ZMYND10: variants seen among roughly 807,000 people sequenced by gnomAD.
The protein encoded by ZMYND10 is zinc finger MYND-type containing 10.
In ZMYND10, 52 loss-of-function variants were observed where a neutral mutation model predicts 62.6. The ratio of observed to expected loss-of-function variants is 0.83; its 90% CI spans 0.67 to 1.05. The LOEUF is 1.05. ZMYND10 is among the 50% of genes least tolerant of loss of function. The probability of loss-of-function intolerance (pLI) is 0.00; values close to 1 mark genes in which losing one functional copy is unlikely to be tolerated. For synonymous variants in ZMYND10, 197 were observed against 218.5 expected (o/e 0.90, Z 0.87); for missense variants, 438 against 543.3 (o/e 0.81, Z 1.93).
chr3:50,342,677 C>T (rs1021118297), intron 7 of ZMYND10, 108 bp from the exon 8 acceptor site: 1 of 1,500,088 alleles, frequency 6.7e-7, no homozygotes, highest in Non-Finnish European at 8.9e-7. Flanking sequence ...AGAACCTGGG[C>T]TGCAGGACTT....
In ZMYND10 at chr3:50,345,335, G is replaced by T; in HGVS notation, c.93-103C>A. 6.7e-7 allele frequency: 1 copy of T among 1,501,096 alleles called. No homozygotes were observed. The highest frequency in any genetic ancestry group is 9.1e-7 in the Non-Finnish European group (1 of 1,103,874). 93.0% of individuals were successfully genotyped at this position (1,501,096 alleles called of 1,614,324 possible). A position where few individuals can be genotyped will look rare whatever the true frequency, so the allele number is the denominator to read the frequency against. On this transcript the variant is annotated intron_variant, in intron 1 of 11. Transcript: ENST00000231749. The surrounding 1 kb of genome is among the most constrained non-coding windows in gnomAD (Gnocchi z 5.0). ...CTAACCTGATCCTGAGGGGACACAG[G>T]GGGCTCAGGAGCAGTAATACTCCTG...
At chr3:50,344,921 C>G (rs1246358722) in intron 2 of ZMYND10, 1 of 547,126 alleles carries the variant, frequency 1.8e-6, no homozygotes, top group East Asian at 3.1e-5. Flanking sequence ...TCTCCCTAAT[C>G]AACTCATGCC....
At position 50,341,250 on chromosome 3, in the gene ZMYND10, TGAG is replaced by T; in HGVS notation, c.*157_*159del. On this transcript the variant is annotated 3_prime_UTR_variant, in exon 12 of 12. Coordinates refer to ENST00000231749, the MANE Select transcript of ZMYND10 (RefSeq NM_015896.4). ...GGAAGTCTCGAGCCTTCACTTGGGG[TGAG>T]GAGGAGGGAGATCGGTCAGCAGCTT... 9 of 864,436 alleles carry T rather than the reference TGAG, an allele frequency of 1.0e-5. No individual in the cohort carries two copies. Among genetic ancestry groups the T allele is most frequent in the South Asian group, 1.7e-5 (1 of 59,944 alleles). 53.5% of individuals were successfully genotyped at this position (864,436 alleles called of 1,614,324 possible).
chr3:50,345,081 G>A lies in ZMYND10; in HGVS notation c.201+43C>T. On this transcript the variant is annotated intron_variant, in intron 2 of 11. Transcript: ENST00000231749. The surrounding 1 kb of genome is among the most constrained non-coding windows in gnomAD (Gnocchi z 5.0). ...GACTCCGGAGGGGTAGAGTAGGTGA[G>A]GTATGGGGGAAGGCAGGAACCCTGC... 6.4e-7 allele frequency: 1 copy of A among 1,572,822 alleles called. No homozygotes were observed. The highest frequency in any genetic ancestry group is 8.7e-7 in the Non-Finnish European group (1 of 1,147,068).
rs1008107659 is a variant in ZMYND10 at position 50,345,066 on chromosome 3, G to T, written c.201+58C>A. 1.3e-6 allele frequency: 2 copies of T among 1,487,714 alleles called. No homozygotes were observed. The highest frequency in any genetic ancestry group is 1.9e-6 in the Non-Finnish European group (2 of 1,073,836). 92.2% of individuals were successfully genotyped at this position (1,487,714 alleles called of 1,614,324 possible). A position where few individuals can be genotyped will look rare whatever the true frequency, so the allele number is the denominator to read the frequency against. Reference sequence around the variant, plus strand: ...GAAGGGCACACAGGGGACTCCGGAGGGGTAGAGTAGGTGAGGTATGGGGGA... The same window carrying T: ...GAAGGGCACACAGGGGACTCCGGAGTGGTAGAGTAGGTGAGGTATGGGGGA... On this transcript the variant is annotated intron_variant, in intron 2 of 11. Transcript: ENST00000231749. The surrounding 1 kb of genome is among the most constrained non-coding windows in gnomAD (Gnocchi z 5.0).
chr3:50,343,595 T>G lies in ZMYND10; in HGVS notation c.340A>C (p.Ile114Leu). The G allele has an allele frequency of 6.2e-7, 1 of 1,614,152 alleles. No individual in the cohort carries two copies. ...AAGAACACTGTCTCCAAGAGGTTGA[T>G]GATGGAGGCCTCGTGGTGCACCTGT... is the stretch of plus-strand genomic sequence containing the variant. The part of the protein sequence containing the change: ...YMVVHHEASI[I>L]NLLETVFFHK... The change falls in exon 4 of 12, where the codon ATC becomes CTC. Residue 114 changes from isoleucine (I) to leucine (L), a missense_variant. By Grantham distance (5) the Ile-to-Leu change is conservative. Transcript: ENST00000231749.
In ZMYND10 at chr3:50,345,492, C is replaced by G. The variant is rs587731307; in HGVS notation, c.88G>C (p.Glu30Gln). The G allele has an allele frequency of 6.2e-7, 1 of 1,601,624 alleles. No individual in the cohort carries two copies. The highest frequency in any genetic ancestry group is 1.3e-5 in the African/African-American group (1 of 74,848). ...CGCCTGACCCGGGTGCCTCACCCTT[C>G]GGAGCCCATCTCGCGTAGCGGGAAG... is the stretch of plus-strand genomic sequence containing the variant. ...RSFPLREMGSEGWNQQHENLE... is the reference protein window; with the variant it reads ...RSFPLREMGSQGWNQQHENLE... Residue 30 changes from glutamate to glutamine, a missense_variant, in exon 1 of 12, where the codon GAA (glutamate) becomes CAA (glutamine). Physicochemically the swap from Glu to Gln is conservative, Grantham distance 29. Coordinates refer to ENST00000231749, the MANE Select transcript of ZMYND10 (RefSeq NM_015896.4). This position sits in a 1 kb window ranked among gnomAD's most constrained non-coding sequence, Gnocchi z 5.0.
rs1311619270 is a variant in ZMYND10, at chr3:50,345,098, G to A, written c.201+26C>T. Reference sequence around the variant, plus strand: ...GTAGGTGAGGTATGGGGGAAGGCAGGAACCCTGCCTGTGACCTCGGGGTAC... The same window carrying A: ...GTAGGTGAGGTATGGGGGAAGGCAGAAACCCTGCCTGTGACCTCGGGGTAC... On this transcript the variant is annotated intron_variant, in intron 2 of 11. Coordinates refer to ENST00000231749, the MANE Select transcript of ZMYND10 (RefSeq NM_015896.4). The surrounding 1 kb of genome is among the most constrained non-coding windows in gnomAD (Gnocchi z 5.0). 6.2e-7 allele frequency: 1 copy of A among 1,607,178 alleles called. No homozygotes were observed. The highest frequency in any genetic ancestry group is 8.5e-7 in the Non-Finnish European group (1 of 1,175,748).
At chr3:50,343,245 C>A in intron 5 of ZMYND10, 39 bp from the exon 6 acceptor site, 1 of 1,613,970 alleles carries the variant, frequency 6.2e-7, no homozygotes, top group South Asian at 1.1e-5. Flanking sequence ...GCCACCCTCA[C>A]CTGCGCAGGC....
rs748605510 is a variant in ZMYND10, at chr3:50,341,266, C to A, written c.*144G>T. On this transcript the variant is annotated 3_prime_UTR_variant, in exon 12 of 12. Transcript: ENST00000231749. Reference sequence around the variant, plus strand: ...CACTTGGGGTGAGGAGGAGGGAGATCGGTCAGCAGCTTTACCGCCCGCTCT... The same window carrying A: ...CACTTGGGGTGAGGAGGAGGGAGATAGGTCAGCAGCTTTACCGCCCGCTCT... 3 of 981,196 alleles carry A rather than the reference C, an allele frequency of 3.1e-6. No homozygotes were observed. The highest frequency in any genetic ancestry group is 1.6e-5 in the African/African-American group (1 of 62,012). The allele number at this position is 981,196 out of a possible 1,614,324, so 60.8% of individuals were successfully genotyped here. A position where few individuals can be genotyped will look rare whatever the true frequency, so the allele number is the denominator to read the frequency against.
chr3:50,342,733 T>TAGTGG, intron 7 of ZMYND10, 164 bp from the exon 8 acceptor site: 1 of 1,468,198 alleles, frequency 6.8e-7, no homozygotes, highest in Non-Finnish European at 9.0e-7. Flanking sequence ...TGAGCCTCAG[T>TAGTGG]AGTGGACACA....
In ZMYND10 at chr3:50,343,230, G is replaced by A. The variant is rs2301639; in HGVS notation, c.511-24C>T. The A allele has an allele frequency of 0.1, 168,983 of 1,613,936 alleles. 9,346 individuals carry two copies. The highest frequency in any genetic ancestry group is 0.11 in the Non-Finnish European group (132,347 of 1,179,926). ...TCCTGGGAGGTCACACAGTGTTCAC[G>A]CTGGGCCACCCTCACCTGCGCAGGC... On this transcript the variant is annotated intron_variant, in intron 5 of 11. Transcript: ENST00000231749.
At position 50,341,673 on chromosome 3, in the gene ZMYND10, A is replaced by G; in HGVS notation, c.1148T>C (p.Val383Ala). Reference protein sequence around the residue: ...RRWAETYRLDVLEAVAPERPR... With the variant: ...RRWAETYRLDALEAVAPERPR... ...CCGCTCTGGAGCCACTGCCTCTAGC[A>G]CATCCAGCCTGTAGGTCTCAGCCCA... is the stretch of plus-strand genomic sequence containing the variant. The change falls in exon 11 of 12, where the codon GTG becomes GCG. Residue 383 changes from valine to alanine, a missense_variant. Transcript: ENST00000231749. 1.2e-6 allele frequency: 2 copies of G among 1,614,224 alleles called. No individual in the cohort carries two copies. The highest frequency in any genetic ancestry group is 1.1e-5 in the South Asian group (1 of 91,088).
rs926897020 is a variant in ZMYND10, at chr3:50,341,412, A to C, written c.1321T>G (p.Ter441GlyextTer21). 6.2e-7 allele frequency: 1 copy of C among 1,613,936 alleles called. No individual in the cohort carries two copies. Among genetic ancestry groups the C allele is most frequent in the African/African-American group, 1.3e-5 (1 of 74,918 alleles). Residue 441 changes from the stop codon to glycine, a stop_lost, in exon 12 of 12, where the codon TGA (stop) becomes GGA (glycine). Coordinates refer to ENST00000231749, the MANE Select transcript of ZMYND10 (RefSeq NM_015896.4). ...VLAAQGDRAK[*>G] ...TCGGCCCTCAGCAACTGCAGCCCTC[A>C]TTTGGCTCTGTCACCCTGGGCTGCC... is the stretch of plus-strand genomic sequence containing the variant.
At position 50,341,747 on chromosome 3, in the gene ZMYND10, C is replaced by T. The variant is rs775397972; in HGVS notation, c.1122-48G>A. 4.3e-6 allele frequency: 7 copies of T among 1,612,064 alleles called. No homozygotes were observed. In the South Asian group the frequency reaches 6.6e-5, roughly 15 times the overall value. On this transcript the variant is annotated intron_variant, in intron 10 of 11. Transcript: ENST00000231749. ...TGACTGGCCCTGGAAGGTGGGGGCA[C>T]CCCACCCACATCCATGCCTCCTGCA...
At chr3:50,344,617 CTTTT>C (rs10563378) in intron 2 of ZMYND10, among the ~76,000 whole-genome samples, 13,131 of 128,616 alleles carry the variant, frequency 0.1, 622 homozygotes, top group Admixed American at 0.12. Context: ...CCATGCCCGG[CTTTT>C]TTTTTTTTTT....
rs949668536 is a variant in ZMYND10, at chr3:50,341,200, C to T, written c.*210G>A. Reference sequence around the variant, plus strand: ...TGGTCCGGTTTGCTGAAGCAACACACTTGGCCTACCCACTGGGTGGGGCAG... The same window carrying T: ...TGGTCCGGTTTGCTGAAGCAACACATTTGGCCTACCCACTGGGTGGGGCAG... On this transcript the variant is annotated 3_prime_UTR_variant, in exon 12 of 12. Transcript: ENST00000231749. The T allele has an allele frequency of 1.5e-6, 1 of 666,346 alleles. No individual in the cohort carries two copies. Among genetic ancestry groups the T allele is most frequent in the Non-Finnish European group, 2.5e-6 (1 of 394,882 alleles). The allele number at this position is 666,346 out of a possible 1,614,324, so 41.3% of individuals were successfully genotyped here.
Position 50,341,141 on chromosome 3 carries a change from G to A in ZMYND10, c.*269C>T, listed in dbSNP as rs1703355789. The A allele has an allele frequency of 1.6e-6, 1 of 609,518 alleles. No individual in the cohort carries two copies. Among genetic ancestry groups the A allele is most frequent in the Non-Finnish European group, 2.9e-6 (1 of 347,264 alleles). 37.8% of individuals were successfully genotyped at this position (609,518 alleles called of 1,614,324 possible). A position where few individuals can be genotyped will look rare whatever the true frequency, so the allele number is the denominator to read the frequency against. ...TGGAGGCCAGCTTTACTGTGCTAGA[G>A]GAAGAGGGTCCCCACATCCGGCCCT... is the stretch of plus-strand genomic sequence containing the variant. On this transcript the variant is annotated 3_prime_UTR_variant, in exon 12 of 12. Coordinates refer to ENST00000231749, the MANE Select transcript of ZMYND10 (RefSeq NM_015896.4).
intron 10 of ZMYND10, 34 bp downstream of exon 10, chr3:50,341,776 C>G (rs373361764): frequency 6.2e-6 from 10 of 1,611,986 alleles, no homozygotes; most frequent in African/African-American, 5.3e-5. Flanking sequence ...TCCTGCATCC[C>G]CTCCACCCTC....
Sources: allele counts gnomAD v4.1 joint callset (sites outside exome capture counted in the v4.1 genomes callset), GRCh38; gene constraint gnomAD v4.1.1; non-coding constraint Gnocchi (gnomAD v3.1); transcripts MANE v1.5; gene names NCBI Gene and HGNC (gene_info 2026-07-23, HGNC 2026-07-21).